The following RRAS2 variants were observed in gnomAD, a reference collection of about 807,000 sequenced individuals.
RRAS2 encodes RAS related 2.
RRAS2 carries 7 observed loss-of-function variants against 27.6 expected under a neutral mutation model. The ratio of observed to expected loss-of-function variants is 0.25; its 90% CI spans 0.14 to 0.48. The LOEUF (loss-of-function observed/expected upper bound fraction) is 0.48. Among genes scored for constraint, RRAS2 ranks in the 20% least tolerant of loss-of-function variants. RRAS2 has a pLI of 0.99. For synonymous variants in RRAS2, 86 were observed against 90.9 expected (o/e 0.95, Z 0.31); for missense variants, 178 against 256.2 (o/e 0.69, Z 2.08).
intron 1 of RRAS2, among the ~76,000 whole-genome samples, chr11:14,340,518 C>A (rs373705320): frequency 2.0e-5 from 3 of 152,144 alleles, no homozygotes; most frequent in Non-Finnish European, 4.4e-5. Flanking sequence ...AAAGTCTTAA[C>A]AGACCACAGC....
intron 4 of RRAS2, among the ~76,000 whole-genome samples, chr11:14,282,388 T>G (rs1554944453): frequency 2.0e-5 from 3 of 152,168 alleles, no homozygotes; most frequent in African/African-American, 4.8e-5. Flanking sequence ...GCCCTCACAA[T>G]GCCTTATATT....
At chr11:14,324,264 CA>C (rs1235013440) in intron 1 of RRAS2, among the ~76,000 whole-genome samples, 3 of 148,518 alleles carry the variant, frequency 2.0e-5, no homozygotes, top group East Asian at 2.0e-4. Flanking sequence ...AAATAAACAG[CA>C]AAAAAAAATA....
chr11:14,347,059 T>G (rs1848849195), intron 1 of RRAS2, among the ~76,000 whole-genome samples: 1 of 152,164 alleles, frequency 6.6e-6, no homozygotes, highest in African/African-American at 2.4e-5. Context: ...CTCAGAGGGC[T>G]AAGACAGGAG....
chr11:14,280,267 C>T (rs1181608600), intron 5 of RRAS2, among the ~76,000 whole-genome samples: 1 of 151,810 alleles, frequency 6.6e-6, no homozygotes, highest in African/African-American at 2.4e-5. Context: ...TCTTATAAAA[C>T]CGAGACTCTT....
chr11:14,344,741 G>A (rs1848792577), intron 1 of RRAS2, among the ~76,000 whole-genome samples: 1 of 152,188 alleles, frequency 6.6e-6, no homozygotes, highest in Admixed American at 6.5e-5. Context: ...AGAATTGCCA[G>A]ACAGAAATTA....
intron 1 of RRAS2, among the ~76,000 whole-genome samples, chr11:14,312,424 T>C (rs545623065): frequency 6.6e-6 from 1 of 152,252 alleles, no homozygotes; most frequent in East Asian, 1.9e-4. Context: ...TTTTTGTTTG[T>C]TTTTTGTTAT....
At chr11:14,279,958 C>T (rs1364051087) in intron 5 of RRAS2, among the ~76,000 whole-genome samples, 4 of 151,952 alleles carry the variant, frequency 2.6e-5, no homozygotes, top group African/African-American at 9.7e-5. Context: ...AAAAACAAAA[C>T]AAACAAAAAA....
chr11:14,330,284 C>T (rs1848458560), intron 1 of RRAS2, among the ~76,000 whole-genome samples: 1 of 152,170 alleles, frequency 6.6e-6, no homozygotes, highest in South Asian at 2.1e-4. Flanking sequence ...TTAAGAACTG[C>T]TTCCTGGCCA....
intron 1 of RRAS2, among the ~76,000 whole-genome samples, chr11:14,336,224 CACAG>C (rs1848587126): frequency 3.9e-5 from 6 of 152,280 alleles, no homozygotes; most frequent in Middle Eastern, 3.4e-3. Context: ...TGCCTCACCT[CACAG>C]TAACAAGGCA....
At chr11:14,313,166 T>C (rs1554949073) in intron 1 of RRAS2, among the ~76,000 whole-genome samples, 1 of 152,344 alleles carries the variant, frequency 6.6e-6, no homozygotes, top group African/African-American at 2.4e-5. Context: ...AATACCCAAG[T>C]ACGTAGGTTT....
intron 1 of RRAS2, among the ~76,000 whole-genome samples, chr11:14,338,737 G>C (rs1237343193): frequency 5.9e-5 from 9 of 152,098 alleles, no homozygotes; most frequent in Admixed American, 2.6e-4. Context: ...CATTAAAAAG[G>C]GGTTTTGGGG....
chr11:14,351,218 C>T (rs1304042139), intron 1 of RRAS2, among the ~76,000 whole-genome samples: 1 of 152,110 alleles, frequency 6.6e-6, no homozygotes, highest in Non-Finnish European at 1.5e-5. Flanking sequence ...CTAATTTGTA[C>T]TCTTTAAAAA....
rs567480394 is a variant in RRAS2, at chr11:14,298,157, G to A, written c.109-2302C>T. 1.2e-4 allele frequency among the ~76,000 whole-genome samples: 18 copies of A among 152,216 alleles called. No individual in the cohort carries two copies. In the East Asian group the frequency reaches 2.9e-3, roughly 24 times the overall value. ...CACAAGCAAATTGGATAAAGCATGC[G>A]CTGTACTTTTTAAGATTCATTTCTT... On this transcript the variant is annotated intron_variant, in intron 1 of 5. Coordinates refer to ENST00000256196, the MANE Select transcript of RRAS2 (RefSeq NM_012250.6).
Position 14,278,687 on chromosome 11 carries a change from G to A in RRAS2, c.*650C>T, listed in dbSNP as rs1374495931. The A allele has an allele frequency of 1.3e-5, 2 of 152,220 alleles. No homozygotes were observed. The highest frequency in any genetic ancestry group is 2.1e-4 in the South Asian group (1 of 4,816). 9.4% of individuals were successfully genotyped at this position (152,220 alleles called of 1,614,324 possible). A position where few individuals can be genotyped will look rare whatever the true frequency, so the allele number is the denominator to read the frequency against. ...ACACTGAAATATCTAAGTCCTAAAT[G>A]AGTCCAAATATTTGACCACATAGAA... On this transcript the variant is annotated 3_prime_UTR_variant, in exon 6 of 6. Transcript: ENST00000256196.
At chr11:14,316,168 A>T (rs1410110826) in intron 1 of RRAS2, among the ~76,000 whole-genome samples, 1 of 152,240 alleles carries the variant, frequency 6.6e-6, no homozygotes, top group Admixed American at 6.5e-5. Context: ...CCTCATTTAC[A>T]TAATGGAAAG....
At chr11:14,317,882 G>C (rs562759012) in intron 1 of RRAS2, among the ~76,000 whole-genome samples, 170 of 152,280 alleles carry the variant, frequency 1.1e-3, no homozygotes, top group African/African-American at 3.9e-3. Flanking sequence ...GGTGAGCTAC[G>C]ATTGCACCAC....
At chr11:14,293,127 AT>A (rs1847455379) in intron 4 of RRAS2, among the ~76,000 whole-genome samples, 1 of 41,174 alleles carries the variant, frequency 2.4e-5, no homozygotes, top group Non-Finnish European at 6.3e-5. Flanking sequence ...CAAAACAAAT[AT>A]ATATATATAT....
At chr11:14,323,795 TAAC>T (rs1848282655) in intron 1 of RRAS2, among the ~76,000 whole-genome samples, 1 of 152,138 alleles carries the variant, frequency 6.6e-6, no homozygotes, top group South Asian at 2.1e-4. Flanking sequence ...TGCAAAATAT[TAAC>T]AAACAGAATC....
intron 1 of RRAS2, among the ~76,000 whole-genome samples, chr11:14,310,730 C>A (rs534066548): frequency 6.6e-6 from 1 of 152,258 alleles, no homozygotes; most frequent in East Asian, 1.9e-4. Flanking sequence ...ATAATTACAT[C>A]AGGACAACAG....
Sources: gnomAD v4.1 joint callset for allele counts (sites outside exome capture counted in the v4.1 genomes callset) on GRCh38, gnomAD v4.1.1 for gene constraint, MANE v1.5 for transcripts, NCBI Gene and HGNC (gene_info 2026-07-23, HGNC 2026-07-21) for gene names.